Variants in KIAA1671 observed in about 807,000 individuals in gnomAD.
KIAA1671 encodes the protein KIAA1671, also known as uncharacterized protein KIAA1671.
Under a neutral mutation model 131.2 loss-of-function variants are expected in KIAA1671, and 52 were observed. The observed-to-expected ratio is 0.40, with a 90% CI of 0.32 to 0.50. The LOEUF is 0.50. Ranked by LOEUF, KIAA1671 falls within the 20% of genes least tolerant of loss-of-function variation. The probability of loss-of-function intolerance (pLI) is 0.73; values close to 1 mark genes in which losing one functional copy is unlikely to be tolerated. For synonymous variants in KIAA1671, 1,003 were observed against 961.6 expected (o/e 1.04, Z -0.80); for missense variants, 2,360 against 2,364.2 (o/e 1.00, Z 0.04).
At chr22:25,190,600 C>T (rs1934640733) in intron 11 of KIAA1671, 102 bp from the exon 12 acceptor site, 3 of 969,320 alleles carry the variant, frequency 3.1e-6, no homozygotes, top group Admixed American at 4.2e-5. Context: ...TGCCCCAACC[C>T]CGCCTGGGCC....
intron 1 of KIAA1671, among the ~76,000 whole-genome samples, chr22:25,020,355 T>C (rs1387441574): frequency 1.3e-5 from 2 of 152,210 alleles, no homozygotes; most frequent in Admixed American, 1.3e-4. Context: ...AAAATGTTGT[T>C]GAAAGTGAAT....
chr22:25,040,313 C>T lies in KIAA1671; in HGVS notation c.3183C>T (p.Pro1061=), dbSNP rs1461272690. 1 of 1,551,652 alleles carries T rather than the reference C, an allele frequency of 6.4e-7. No homozygotes were observed. Among genetic ancestry groups the T allele is most frequent in the Non-Finnish European group, 8.7e-7 (1 of 1,147,030 alleles). The change falls in exon 5 of 13, where the codon CCC becomes CCT. Residue 1061 remains proline (P), a synonymous_variant. Transcript: ENST00000358431. ...LLEHSRKITP[P]SSPHSLTSTL... Reference sequence around the variant, plus strand: ...AACATTCTAGAAAAATCACTCCACCCTCGTCTCCTCATTCTTTAACATCCA... The same window carrying T: ...AACATTCTAGAAAAATCACTCCACCTTCGTCTCCTCATTCTTTAACATCCA...
chr22:25,133,706 C>A (rs5760867), intron 6 of KIAA1671, among the ~76,000 whole-genome samples: 1 of 152,088 alleles, frequency 6.6e-6, no homozygotes, highest in Non-Finnish European at 1.5e-5. Context: ...TGGTGCCTGG[C>A]TAATTAAAAA....
intron 6 of KIAA1671, among the ~76,000 whole-genome samples, chr22:25,161,219 A>G (rs974703253): frequency 7.9e-5 from 12 of 152,224 alleles, no homozygotes; most frequent in Non-Finnish European, 1.5e-4. Flanking sequence ...GAATTGTGAC[A>G]AAAAACAGCG....
intron 6 of KIAA1671, among the ~76,000 whole-genome samples, chr22:25,146,117 G>A (rs1422262388): frequency 6.6e-6 from 1 of 152,180 alleles, no homozygotes; most frequent in East Asian, 1.9e-4. Context: ...TAGTTAGAAG[G>A]CCCTTTGAGG....
At chr22:25,053,093 C>T (rs1927627216) in intron 6 of KIAA1671, 1 of 152,098 alleles carries the variant, frequency 6.6e-6, no homozygotes, top group Admixed American at 6.6e-5. Context: ...AGACAAACAT[C>T]CATAGCCTTA....
At chr22:24,997,422 C>T (rs370278915) in intron 1 of KIAA1671, among the ~76,000 whole-genome samples, 6 of 152,150 alleles carry the variant, frequency 3.9e-5, no homozygotes, top group African/African-American at 1.4e-4. Context: ...TTTGACTTCT[C>T]CCATGTCTTG....
intron 1 of KIAA1671, among the ~76,000 whole-genome samples, chr22:25,007,244 T>A (rs965449237): frequency 1.3e-5 from 2 of 152,012 alleles, no homozygotes; most frequent in Non-Finnish European, 2.9e-5. Context: ...TCCCAGCACT[T>A]TGGGAGGCCG....
intron 11 of KIAA1671, 157 bp downstream of exon 11, chr22:25,185,276 T>G: frequency 1.2e-6 from 1 of 845,540 alleles, no homozygotes; most frequent in Non-Finnish European, 1.8e-6. Flanking sequence ...TTCTCAATAC[T>G]CAGATACCTA....
chr22:24,962,306 G>A (rs1288245398), intron 1 of KIAA1671, among the ~76,000 whole-genome samples: 2 of 152,182 alleles, frequency 1.3e-5, no homozygotes, highest in Non-Finnish European at 2.9e-5. Flanking sequence ...GTCTGTAAAA[G>A]GGTCACAGTG....
chr22:25,046,307 A>G lies in KIAA1671; in HGVS notation c.4396-2923A>G, dbSNP rs900561652. Among the ~76,000 whole-genome samples the G allele has an allele frequency of 3.1e-4, 41 of 134,128 alleles. 2 individuals are homozygous for G. Among genetic ancestry groups the G allele is most frequent in the Admixed American group, 2.7e-3 (38 of 13,858 alleles). The allele number at this position is 134,128 out of a possible 152,430, so 88.0% of individuals were successfully genotyped here. ...ACAGAGCGAGACTCTGTCTCAAGAG[A>G]AAAAAAAAGAAGAAGAAAAAGAAAC... On this transcript the variant is annotated intron_variant, in intron 5 of 12. Transcript: ENST00000358431.
chr22:24,981,850 C>T lies in KIAA1671; in HGVS notation c.-208+29078C>T, dbSNP rs192822583. On this transcript the variant is annotated intron_variant, in intron 1 of 12. Transcript: ENST00000358431. ...TGAGCCTGGGAGGTTGAAGCTGCAG[C>T]GAGCTGTGATTGCACCACTGCACTC... Among the ~76,000 whole-genome samples, 212 of 152,274 alleles carry T rather than the reference C, an allele frequency of 1.4e-3. 1 individual carries two copies. The highest frequency in any genetic ancestry group is 4.3e-3 in the Admixed American group (66 of 15,286).
intron 10 of KIAA1671, 110 bp from the exon 11 acceptor site, chr22:25,184,867 A>T: frequency 8.0e-7 from 1 of 1,250,154 alleles, no homozygotes; most frequent in Non-Finnish European, 1.1e-6. Flanking sequence ...ATTCCGATTC[A>T]GGGGGCCCCG....
chr22:24,992,914 C>T (rs1269492855), intron 1 of KIAA1671, among the ~76,000 whole-genome samples: 1 of 151,260 alleles, frequency 6.6e-6, no homozygotes, highest in Non-Finnish European at 1.5e-5. Context: ...AGGTTTAACC[C>T]ATCTGAGAGG....
chr22:24,971,187 C>G lies in KIAA1671; in HGVS notation c.-208+18415C>G, dbSNP rs181088791. 3.4e-3 allele frequency among the ~76,000 whole-genome samples: 513 copies of G among 152,246 alleles called. 4 individuals carry two copies. Among genetic ancestry groups the G allele is most frequent in the African/African-American group, 0.012 (483 of 41,546 alleles). On this transcript the variant is annotated intron_variant, in intron 1 of 12. Transcript: ENST00000358431. ...GTCAGGCTGGTCTTGAACTCCTGAC[C>G]TCAGGTGATCCACCTGCCTTGGCCT... is the stretch of plus-strand genomic sequence containing the variant.
chr22:25,024,036 C>A (rs1318415577), intron 1 of KIAA1671: 1 of 152,102 alleles, frequency 6.6e-6, no homozygotes, highest in Admixed American at 6.5e-5. Flanking sequence ...ACTGTGTTTA[C>A]ATATCAGACA....
intron 8 of KIAA1671, chr22:25,175,494 G>C (rs1345996629): frequency 6.6e-6 from 1 of 152,200 alleles, no homozygotes; most frequent in Non-Finnish European, 1.5e-5. Context: ...GACACAAGTT[G>C]AGTCTTGATT....
chr22:25,076,477 A>T (rs1358002394), intron 6 of KIAA1671, among the ~76,000 whole-genome samples: 1 of 152,166 alleles, frequency 6.6e-6, no homozygotes, highest in Non-Finnish European at 1.5e-5. Flanking sequence ...AGTCCTTCTC[A>T]TAGCTGCACT....
intron 6 of KIAA1671, among the ~76,000 whole-genome samples, chr22:25,139,673 G>C (rs777865303): frequency 6.6e-6 from 1 of 152,202 alleles, no homozygotes; most frequent in Non-Finnish European, 1.5e-5. Context: ...TGGGTGGTGA[G>C]TGCTGTGAAG....
Sources: gnomAD v4.1 joint callset for allele counts (sites outside exome capture counted in the v4.1 genomes callset) on GRCh38, gnomAD v4.1.1 for gene constraint, MANE v1.5 for transcripts, NCBI Gene and HGNC (gene_info 2026-07-23, HGNC 2026-07-21) for gene names.